The following ADAM29 variants were observed in gnomAD, a reference collection of about 807,000 sequenced individuals.
ADAM29 encodes the protein disintegrin and metalloproteinase domain-containing protein 29.
For synonymous variants in ADAM29, 367 were observed against 342.3 expected (o/e 1.07, Z -0.80); for missense variants, 969 against 1,001.8 (o/e 0.97, Z 0.44).
intron 3 of ADAM29, among the ~76,000 whole-genome samples, chr4:174,933,393 A>G (rs1375471122): frequency 1.3e-5 from 2 of 152,202 alleles, no homozygotes; most frequent in Non-Finnish European, 2.9e-5. Flanking sequence ...GTTTATGACT[A>G]TCTAACATGA....
chr4:174,940,110 C>A (rs1364524252), intron 4 of ADAM29, among the ~76,000 whole-genome samples: 1 of 151,970 alleles, frequency 6.6e-6, no homozygotes, highest in East Asian at 1.9e-4. Flanking sequence ...ACTGTTTTTG[C>A]TATTGTTTTT....
At chr4:174,958,762 T>C (rs1745647689) in intron 4 of ADAM29, among the ~76,000 whole-genome samples, 1 of 151,876 alleles carries the variant, frequency 6.6e-6, no homozygotes, top group African/African-American at 2.4e-5. Context: ...TATTCCATTT[T>C]ATTTGGCACA....
intron 4 of ADAM29, among the ~76,000 whole-genome samples, chr4:174,946,880 T>C (rs10084790): frequency 0.014 from 2,133 of 152,222 alleles, 50 homozygotes; most frequent in African/African-American, 0.049. Context: ...TCCTGAGCTT[T>C]TTCTGGTTGG....
chr4:174,932,996 G>A (rs1743987875), intron 3 of ADAM29, among the ~76,000 whole-genome samples: 1 of 152,080 alleles, frequency 6.6e-6, no homozygotes, highest in East Asian at 1.9e-4. Context: ...ATGTGATTTG[G>A]TCAGATAAGA....
rs541644940 is a variant in ADAM29 at position 174,941,688 on chromosome 4, G to T, written c.-181+4675G>T. On this transcript the variant is annotated intron_variant, in intron 4 of 4. Transcript: ENST00000359240. ...AAATGAGGATTGCAATTTGAGATGA[G>T]ATTGGGGGGACACAGAGCCAAACCA... Among the ~76,000 whole-genome samples the T allele has an allele frequency of 3.3e-5, 5 of 152,262 alleles. No individual in the cohort carries two copies. In the South Asian group the frequency reaches 1.0e-3, roughly 32 times the overall value.
At position 174,926,272 on chromosome 4, in the gene ADAM29, T is replaced by C. The variant is rs1252814247; in HGVS notation, c.-450-4714T>C. Among the ~76,000 whole-genome samples the C allele has an allele frequency of 6.6e-5, 10 of 152,228 alleles. 1 individual carries two copies. The highest frequency in any genetic ancestry group is 5.8e-4 in the East Asian group (3 of 5,170). ...AAAACCGTATCGATAACGCTTCAAA[T>C]TGATGCTCAGACCACTTCCCTGCCT... On this transcript the variant is annotated intron_variant, in intron 2 of 4. Coordinates refer to ENST00000359240, the MANE Select transcript of ADAM29 (RefSeq NM_014269.4).
chr4:174,977,107 GGTGACC>G lies in ADAM29; in HGVS notation c.1586_1591del (p.Asp529_Arg530del). On this transcript the variant is annotated inframe_deletion, in exon 5 of 5. Coordinates refer to ENST00000359240, the MANE Select transcript of ADAM29 (RefSeq NM_014269.4). ...TTGCTACAAAGAATTGAACACCTTA[GGTGACC>G]GTGTTGGTCACTGTGGTATCAAAAA... is the stretch of plus-strand genomic sequence containing the variant. The G allele has an allele frequency of 6.2e-7, 1 of 1,614,048 alleles. No homozygotes were observed. The highest frequency in any genetic ancestry group is 8.5e-7 in the Non-Finnish European group (1 of 1,179,960).
chr4:174,965,275 T>G (rs1248600429), intron 4 of ADAM29, among the ~76,000 whole-genome samples: 2 of 152,030 alleles, frequency 1.3e-5, no homozygotes, highest in Non-Finnish European at 2.9e-5. Context: ...AGCCAGACCC[T>G]TTTTGAACAA....
intron 2 of ADAM29, among the ~76,000 whole-genome samples, chr4:174,926,263 C>G (rs142336147): frequency 2.0e-5 from 3 of 152,036 alleles, no homozygotes. Context: ...GTATCGATAA[C>G]GCTTCAAATT....
intron 4 of ADAM29, among the ~76,000 whole-genome samples, chr4:174,942,764 A>G (rs1317219589): frequency 6.6e-6 from 1 of 152,196 alleles, no homozygotes; most frequent in Non-Finnish European, 1.5e-5. Flanking sequence ...CTCTTTGCTT[A>G]TGCAAATTTC....
At chr4:174,968,342 G>A (rs777652537) in intron 4 of ADAM29, among the ~76,000 whole-genome samples, 25 of 152,186 alleles carry the variant, frequency 1.6e-4, no homozygotes, top group African/African-American at 3.6e-4. Context: ...AGACTACATC[G>A]GGGAAGGATT....
rs111568855 is a variant in ADAM29, at chr4:174,977,763, G to A, written c.2238G>A (p.Thr746=). The A allele has an allele frequency of 9.5e-4, 1,521 of 1,605,056 alleles. 9 individuals carry two copies. In the African/African-American group the frequency reaches 0.013, roughly 13 times the overall value. ...VMPSQSQPPV[T]PSQSHPQVMP... ...CTTCCCAGAGTCAACCTCCTGTGACGCCTTCCCAGAGTCATCCTCAGGTGA... is the reference window on the plus strand; with the variant it reads ...CTTCCCAGAGTCAACCTCCTGTGACACCTTCCCAGAGTCATCCTCAGGTGA... Residue 746 remains threonine, a synonymous_variant, in exon 5 of 5, where the codon ACG becomes ACA. Transcript: ENST00000359240.
intron 4 of ADAM29, among the ~76,000 whole-genome samples, chr4:174,939,168 G>T (rs1475833027): frequency 1.3e-5 from 2 of 152,130 alleles, no homozygotes; most frequent in Non-Finnish European, 2.9e-5. Flanking sequence ...CCTGGGGTTA[G>T]GACATGGGAC....
In ADAM29 at chr4:174,976,163, G is replaced by A. The variant is rs143384232; in HGVS notation, c.638G>A (p.Arg213His). 209 of 1,612,086 alleles carry A rather than the reference G, an allele frequency of 1.3e-4. No individual in the cohort carries two copies. The highest frequency in any genetic ancestry group is 1.7e-4 in the Non-Finnish European group (203 of 1,179,596). ...VVVIDNYLYIRYERNDSKLLE... is the reference protein window; with the variant it reads ...VVVIDNYLYIHYERNDSKLLE... ...GTCATTGATAATTATCTGTACATTCGTTATGAAAGGAACGACTCAAAGTTG... is the reference window on the plus strand; with the variant it reads ...GTCATTGATAATTATCTGTACATTCATTATGAAAGGAACGACTCAAAGTTG... Residue 213 changes from arginine to histidine, a missense_variant, in exon 5 of 5, where the codon CGT becomes CAT. Physicochemically the swap from Arg to His is conservative, Grantham distance 29 (BLOSUM62 0). Transcript: ENST00000359240.
chr4:174,955,619 A>G (rs996885451), intron 4 of ADAM29, among the ~76,000 whole-genome samples: 4 of 151,628 alleles, frequency 2.6e-5, no homozygotes, highest in African/African-American at 9.7e-5. Context: ...ATAAGATCTC[A>G]AAATTTGTTA....
Position 174,918,470 on chromosome 4 carries a change from A to G in ADAM29, c.-558A>G, listed in dbSNP as rs1742987986. ...CCTGAGGACGCCCTCGATCACAAGCAGGTTATAGCTATTTAAACCTTGCCT... is the reference window on the plus strand; with the variant it reads ...CCTGAGGACGCCCTCGATCACAAGCGGGTTATAGCTATTTAAACCTTGCCT... On this transcript the variant is annotated splice_region_variant and 5_prime_UTR_variant, in exon 1 of 5. Coordinates refer to ENST00000359240, the MANE Select transcript of ADAM29 (RefSeq NM_014269.4). 6.6e-6 allele frequency: 1 copy of G among 152,210 alleles called. No individual in the cohort carries two copies. Among genetic ancestry groups the G allele is most frequent in the South Asian group, 2.1e-4 (1 of 4,834 alleles). 9.4% of individuals were successfully genotyped at this position (152,210 alleles called of 1,614,324 possible).
At chr4:174,953,551 G>GAT (rs1179244280) in intron 4 of ADAM29, among the ~76,000 whole-genome samples, 1 of 152,128 alleles carries the variant, frequency 6.6e-6, no homozygotes, top group South Asian at 2.1e-4. Flanking sequence ...AACTGGCCCA[G>GAT]ATATACAGCA....
intron 4 of ADAM29, among the ~76,000 whole-genome samples, chr4:174,951,116 A>G (rs1745152436): frequency 6.6e-6 from 1 of 152,216 alleles, no homozygotes; most frequent in African/African-American, 2.4e-5. Flanking sequence ...ACACACAAAC[A>G]TATGTACCTG....
chr4:174,948,176 G>T (rs1375153679), intron 4 of ADAM29, among the ~76,000 whole-genome samples: 1 of 152,108 alleles, frequency 6.6e-6, no homozygotes, highest in Non-Finnish European at 1.5e-5. Context: ...AGCCATTTCA[G>T]CTTGGTTAAG....
Sources: gnomAD v4.1 joint callset for allele counts (sites outside exome capture counted in the v4.1 genomes callset) on GRCh38, gnomAD v4.1.1 for gene constraint, MANE v1.5 for transcripts, NCBI Gene and HGNC (gene_info 2026-07-23, HGNC 2026-07-21) for gene names.